WDPCP: variants seen among roughly 807,000 people sequenced by gnomAD.
WDPCP encodes WD repeat containing planar cell polarity effector.
A neutral mutation model predicts 93.1 loss-of-function variants in WDPCP; 71 were observed. The observed-to-expected ratio is 0.76, with a 90% CI of 0.63 to 0.93. The LOEUF is 0.93. Ranked by LOEUF, WDPCP falls within the 40% of genes least tolerant of loss-of-function variation. The probability of loss-of-function intolerance (pLI) is 0.00; values close to 1 mark genes in which losing one functional copy is unlikely to be tolerated. For synonymous variants in WDPCP, 315 were observed against 315.0 expected (o/e 1.00, Z 0.00); for missense variants, 844 against 887.4 (o/e 0.95, Z 0.62).
intron 10 of WDPCP, among the ~76,000 whole-genome samples, chr2:63,400,940 C>T (rs1694101226): frequency 6.6e-6 from 1 of 152,104 alleles, no homozygotes; most frequent in Non-Finnish European, 1.5e-5. Flanking sequence ...ACTGGCTAGC[C>T]ATATGCAGAA....
intron 1 of WDPCP, among the ~76,000 whole-genome samples, chr2:63,819,742 G>C (rs1178641289): frequency 1.3e-5 from 2 of 152,170 alleles, no homozygotes; most frequent in East Asian, 1.9e-4. Context: ...ACTTAAAAGA[G>C]AGAGGAAGGA....
In WDPCP at chr2:63,282,461, C is replaced by T. The variant is rs371323715; in HGVS notation, c.1813-23052G>A. On this transcript the variant is annotated intron_variant, in intron 13 of 17. Transcript: ENST00000272321. ...CAGAGGTTGCAGTGAGCCGAGATCG[C>T]GCCACTGCACTCCAGCCTGGGCGAC... Among the ~76,000 whole-genome samples, 44 of 152,172 alleles carry T rather than the reference C, an allele frequency of 2.9e-4. No homozygotes were observed. In the East Asian group the frequency reaches 4.8e-3, roughly 17 times the overall value.
intron 1 of WDPCP, among the ~76,000 whole-genome samples, chr2:63,815,516 G>A (rs1180452825): frequency 6.6e-6 from 1 of 152,120 alleles, no homozygotes; most frequent in Non-Finnish European, 1.5e-5. Flanking sequence ...ATTGAGCTGG[G>A]CCTAGAGTTG....
At chr2:63,222,264 G>GTGTC (rs1472994394) in intron 14 of WDPCP, among the ~76,000 whole-genome samples, 1 of 152,178 alleles carries the variant, frequency 6.6e-6, no homozygotes, top group African/African-American at 2.4e-5. Flanking sequence ...ACTTTTAACA[G>GTGTC]TGTCTGGAAG....
chr2:63,470,932 A>G (rs1471254683), intron 6 of WDPCP, among the ~76,000 whole-genome samples: 1 of 152,010 alleles, frequency 6.6e-6, no homozygotes, highest in Non-Finnish European at 1.5e-5. Context: ...TTCCGCAGGT[A>G]TCTTCCATGG....
intron 2 of WDPCP, chr2:63,751,917 A>G (rs1489826627): frequency 7.3e-6 from 5 of 682,724 alleles, no homozygotes; most frequent in Non-Finnish European, 1.4e-5. Context: ...CATTATAGCC[A>G]TCCCCACTGC....
intron 9 of WDPCP, among the ~76,000 whole-genome samples, chr2:63,420,872 C>T (rs1323927973): frequency 2.0e-5 from 3 of 152,140 alleles, no homozygotes; most frequent in Admixed American, 6.5e-5. Flanking sequence ...TTTTCATTTT[C>T]CTGTTGGTAG....
chr2:63,712,921 A>G (rs1351239513), intron 2 of WDPCP, among the ~76,000 whole-genome samples: 2 of 152,200 alleles, frequency 1.3e-5, no homozygotes, highest in African/African-American at 4.8e-5. Context: ...GTCAGGGATC[A>G]GGGCTGAACT....
intron 17 of WDPCP, among the ~76,000 whole-genome samples, chr2:63,152,486 G>C (rs1391919064): frequency 5.9e-5 from 9 of 151,982 alleles, no homozygotes; most frequent in Non-Finnish European, 1.5e-5. Context: ...TGGCCAGGCT[G>C]GTCTCAAACT....
intron 3 of WDPCP, among the ~76,000 whole-genome samples, chr2:63,602,614 T>G (rs1182176160): frequency 6.6e-6 from 1 of 151,942 alleles, no homozygotes; most frequent in African/African-American, 2.4e-5. Flanking sequence ...TGTAGATTCC[T>G]GTAACTGCCC....
chr2:63,666,544 G>C (rs183818464), intron 2 of WDPCP, among the ~76,000 whole-genome samples: 1 of 152,116 alleles, frequency 6.6e-6, no homozygotes. Context: ...TTCATTTCAC[G>C]CATAATCCTG....
At chr2:63,469,102 A>C (rs1440353286) in intron 6 of WDPCP, among the ~76,000 whole-genome samples, 1 of 152,224 alleles carries the variant, frequency 6.6e-6, no homozygotes, top group Admixed American at 6.5e-5. Context: ...GAAAAAGCTC[A>C]ATATCGCTGA....
chr2:63,428,070 T>G (rs1335161534), intron 9 of WDPCP, among the ~76,000 whole-genome samples: 4 of 151,754 alleles, frequency 2.6e-5, no homozygotes, highest in African/African-American at 9.7e-5. Context: ...GTTCCGAAAT[T>G]GAATCAGTAA....
chr2:63,245,817 A>C (rs1269722127), intron 14 of WDPCP, among the ~76,000 whole-genome samples: 1 of 152,162 alleles, frequency 6.6e-6, no homozygotes, highest in Non-Finnish European at 1.5e-5. Flanking sequence ...TTATGGGTAC[A>C]TGTGATGTTC....
chr2:63,172,642 C>T (rs1321797924), intron 15 of WDPCP, among the ~76,000 whole-genome samples: 1 of 152,092 alleles, frequency 6.6e-6, no homozygotes, highest in East Asian at 1.9e-4. Flanking sequence ...AATGAAACTA[C>T]ATGACAATCA....
At chr2:63,268,485 A>G (rs1032630246) in intron 13 of WDPCP, among the ~76,000 whole-genome samples, 1 of 152,050 alleles carries the variant, frequency 6.6e-6, no homozygotes, top group African/African-American at 2.4e-5. Context: ...TTTATTTTGT[A>G]AAACAGGATC....
intron 1 of WDPCP, among the ~76,000 whole-genome samples, chr2:63,585,152 G>T (rs1708753027): frequency 6.6e-6 from 1 of 152,132 alleles, no homozygotes; most frequent in African/African-American, 2.4e-5. Context: ...TAATAAAGTG[G>T]TTCTCATTGA....
chr2:63,773,810 A>G (rs1380112539), intron 2 of WDPCP, among the ~76,000 whole-genome samples: 1 of 152,108 alleles, frequency 6.6e-6, no homozygotes, highest in East Asian at 1.9e-4. Context: ...AGAGAGAAAA[A>G]TTTTTAAATC....
intron 2 of WDPCP, among the ~76,000 whole-genome samples, chr2:63,489,743 T>C (rs1396040465): frequency 6.6e-6 from 1 of 151,964 alleles, no homozygotes; most frequent in Non-Finnish European, 1.5e-5. Flanking sequence ...CTATAACAAC[T>C]CCATAAAGTG....
Sources: gnomAD v4.1 joint callset for allele counts (sites outside exome capture counted in the v4.1 genomes callset) on GRCh38, gnomAD v4.1.1 for gene constraint, MANE v1.5 for transcripts, NCBI Gene and HGNC (gene_info 2026-07-23, HGNC 2026-07-21) for gene names.